DST: variants seen among roughly 807,000 people sequenced by gnomAD.
The protein encoded by DST is bullous pemphigoid antigen.
A neutral mutation model predicts 875.2 loss-of-function variants in DST; 253 were observed. The observed-to-expected ratio is 0.29, with a 90% CI of 0.26 to 0.32. DST has a LOEUF of 0.32. Among genes scored for constraint, DST ranks in the 10% least tolerant of loss-of-function variants. The pLI is 1.00. For missense variants in DST, 8,287 were observed against 9,111.6 expected (o/e 0.91, Z 3.68); for synonymous variants, 3,124 against 3,197.1 (o/e 0.98, Z 0.77).
At chr6:56,636,902 T>C (rs1310847957) in intron 22 of DST, among the ~76,000 whole-genome samples, 1 of 152,058 alleles carries the variant, frequency 6.6e-6, no homozygotes, top group African/African-American at 2.4e-5. Context: ...GCCAACATGG[T>C]GAAACCCCAT....
rs554969286 is a variant in DST, at chr6:56,560,547, T to C, written c.14311-124A>G. ...AAAAATCTACTGTTAAATGTTGTGG[T>C]GGGTGAGGGCCTGGATTTTGCAATT... On this transcript the variant is annotated intron_variant, in intron 57 of 103. Coordinates refer to ENST00000680361, the MANE Select transcript of DST (RefSeq NM_001374736.1). The C allele has an allele frequency of 3.5e-5, 36 of 1,038,008 alleles. No individual in the cohort carries two copies. In the South Asian group the frequency reaches 6.3e-4, roughly 18 times the overall value. The allele number at this position is 1,038,008 out of a possible 1,614,324, so 64.3% of individuals were successfully genotyped here. A position where few individuals can be genotyped will look rare whatever the true frequency, so the allele number is the denominator to read the frequency against.
At chr6:56,482,202 C>CA in intron 89 of DST, 24 bp from the exon 90 acceptor site, 29 of 1,592,764 alleles carry the variant, frequency 1.8e-5, no homozygotes, top group South Asian at 2.3e-5. Context: ...CACACACACA[C>CA]CCCAAACAAA....
At chr6:56,810,328 A>C (rs949946170) in intron 4 of DST, among the ~76,000 whole-genome samples, 4 of 152,118 alleles carry the variant, frequency 2.6e-5, no homozygotes, top group Non-Finnish European at 5.9e-5. Context: ...TATATGTATT[A>C]TATCTACACA....
chr6:56,639,761 C>T lies in DST; in HGVS notation c.2632G>A (p.Ala878Thr), dbSNP rs1445756367. 1.2e-6 allele frequency: 2 copies of T among 1,613,332 alleles called. No homozygotes were observed. Among genetic ancestry groups the T allele is most frequent in the African/African-American group, 2.7e-5 (2 of 74,854 alleles). ...TCTGCATAAGTCAGTTTAAGAGGTG[C>T]TGTCATTTGAATCTATAACATGAGA... ...EAKISEIQMT[A>T]PLKLTYAEKL... is the part of the protein sequence containing the mutation. The change falls in exon 20 of 104, where the codon GCA (alanine) becomes ACA (threonine). Residue 878 changes from alanine (A) to threonine (T), a missense_variant. This residue lies in a region of DST where 1,160 missense variants were observed against 1,424.3 expected (regional missense o/e 0.81). Transcript: ENST00000680361.
At chr6:56,952,068 G>A (rs1163742423) in intron 2 of DST, among the ~76,000 whole-genome samples, 1 of 152,096 alleles carries the variant, frequency 6.6e-6, no homozygotes, top group Non-Finnish European at 1.5e-5. Flanking sequence ...AAACAAGAAA[G>A]ATATGGTCCT....
chr6:56,839,589 T>C (rs2099797549), intron 4 of DST, among the ~76,000 whole-genome samples: 1 of 152,186 alleles, frequency 6.6e-6, no homozygotes, highest in Admixed American at 6.5e-5. Context: ...CTGAGCTAGA[T>C]CATTACATGC....
chr6:56,943,725 G>A (rs1027171123), intron 2 of DST, among the ~76,000 whole-genome samples: 3 of 151,870 alleles, frequency 2.0e-5, no homozygotes, highest in African/African-American at 4.8e-5. Context: ...GAGCCACCGC[G>A]CCCAGCCAAT....
intron 5 of DST, among the ~76,000 whole-genome samples, chr6:56,721,195 C>A (rs1394123586): frequency 4.3e-5 from 4 of 93,358 alleles, no homozygotes; most frequent in Non-Finnish European, 6.5e-5. Context: ...GGGGTGCGCC[C>A]CCCACCTCCC....
At chr6:56,567,930 C>CA (rs2097709513) in intron 55 of DST, among the ~76,000 whole-genome samples, 1 of 152,128 alleles carries the variant, frequency 6.6e-6, no homozygotes, top group South Asian at 2.1e-4. Context: ...AAAGGTGGCT[C>CA]AACCATGACT....
At chr6:56,500,765 T>A (rs2096092135) in intron 80 of DST, among the ~76,000 whole-genome samples, 1 of 152,162 alleles carries the variant, frequency 6.6e-6, no homozygotes, top group Non-Finnish European at 1.5e-5. Context: ...ATTATCACAA[T>A]GACAGGTATA....
chr6:56,501,572 A>G lies in DST; in HGVS notation c.19688T>C (p.Met6563Thr), dbSNP rs2096126846. The change falls in exon 79 of 104, where the codon ATG (methionine) becomes ACG (threonine). Residue 6563 changes from methionine (M) to threonine (T), a missense_variant. Physicochemically the swap from Met to Thr is moderately conservative, Grantham distance 81 (BLOSUM62 -1). This residue lies in a region of DST where 1,292 missense variants were observed against 1,552.7 expected (regional missense o/e 0.83). Coordinates refer to ENST00000680361, the MANE Select transcript of DST (RefSeq NM_001374736.1). ...SDKHTVQDPL[M>T]ELKLIWDSLE... The stretch of plus-strand genomic sequence containing the variant: ...GCTATCCCATATCAATTTCAGTTCC[A>G]TTAATGGGTCTTGAACAGTGTGTTT... 1 of 1,607,684 alleles carries G rather than the reference A, an allele frequency of 6.2e-7. No individual in the cohort carries two copies. The highest frequency in any genetic ancestry group is 8.5e-7 in the Non-Finnish European group (1 of 1,176,878).
chr6:56,614,911 TCCTTCCCCTCCTCCAACACA>T, intron 36 of DST: 3 of 990,972 alleles, frequency 3.0e-6, no homozygotes. Context: ...ATGAAGAAAA[TCCTTCCCCTCCTCCAACACA>T]TAATATTCAT....
At chr6:56,884,219 C>T (rs186226225) in intron 3 of DST, among the ~76,000 whole-genome samples, 106 of 152,068 alleles carry the variant, frequency 7.0e-4, no homozygotes, top group African/African-American at 2.3e-3. Flanking sequence ...ATACATGTTA[C>T]ATTTGGTTGG....
chr6:56,636,340 A>G (rs1225177163), intron 23 of DST, among the ~76,000 whole-genome samples: 1 of 150,758 alleles, frequency 6.6e-6, no homozygotes, highest in Non-Finnish European at 1.5e-5. Context: ...ATATATGTAT[A>G]TGTATGTGTA....
intron 88 of DST, chr6:56,484,430 T>A (rs1030817429): frequency 5.9e-5 from 9 of 152,086 alleles, no homozygotes; most frequent in Admixed American, 3.9e-4. Context: ...AAAATAAATA[T>A]GTAATAAGAC....
intron 4 of DST, among the ~76,000 whole-genome samples, chr6:56,826,733 G>T (rs915358519): frequency 6.6e-6 from 1 of 152,066 alleles, no homozygotes; most frequent in Non-Finnish European, 1.5e-5. Flanking sequence ...CCCTATTCCT[G>T]GTCATTCAGG....
chr6:56,766,525 C>CTT (rs373724419), intron 4 of DST, among the ~76,000 whole-genome samples: 46 of 140,280 alleles, frequency 3.3e-4, no homozygotes, highest in African/African-American at 9.9e-4. Context: ...GCTGCGGTAT[C>CTT]TTTTTTTTTT....
At chr6:56,576,303 G>A (rs1305394852) in intron 50 of DST, among the ~76,000 whole-genome samples, 4 of 152,152 alleles carry the variant, frequency 2.6e-5, no homozygotes, top group Admixed American at 6.6e-5. Context: ...GTAAATGTAA[G>A]TAAAGTCTTT....
chr6:56,896,109 AGGGAGAGGGAGAC>A (rs1791141059), intron 3 of DST, among the ~76,000 whole-genome samples: 1 of 67,878 alleles, frequency 1.5e-5, no homozygotes, highest in Admixed American at 1.2e-4. Context: ...GAGACGGGAG[AGGGAGAGGGAGAC>A]GGGAGAGGGA....
Sources: gnomAD v4.1 joint callset for allele counts (sites outside exome capture counted in the v4.1 genomes callset) on GRCh38, gnomAD v4.1.1 for gene constraint, gnomAD v4.1.1 regional missense constraint, MANE v1.5 for transcripts, NCBI Gene and HGNC (gene_info 2026-07-23, HGNC 2026-07-21) for gene names.